Variants in KCND2 observed in about 807,000 individuals in gnomAD.
KCND2 encodes the protein A-type voltage-gated potassium channel KCND2.
A neutral mutation model predicts 54.4 loss-of-function variants in KCND2; 16 were observed. That is an observed-to-expected ratio of 0.29 (90% confidence interval 0.20 to 0.45). The LOEUF is 0.45. Ranked by LOEUF, KCND2 falls within the 20% of genes least tolerant of loss-of-function variation. The probability of loss-of-function intolerance (pLI) is 1.00; values close to 1 mark genes in which losing one functional copy is unlikely to be tolerated. For synonymous variants in KCND2, 317 were observed against 310.7 expected (o/e 1.02, Z -0.21); for missense variants, 486 against 824.2 (o/e 0.59, Z 5.02).
chr7:120,713,361 A>C (rs187263248), intron 1 of KCND2, among the ~76,000 whole-genome samples: 2 of 152,280 alleles, frequency 1.3e-5, no homozygotes, highest in South Asian at 2.1e-4. Flanking sequence ...CATTCCACAC[A>C]TAGGAAACCA....
At chr7:120,450,033 A>G (rs1025202353) in intron 1 of KCND2, among the ~76,000 whole-genome samples, 4 of 152,222 alleles carry the variant, frequency 2.6e-5, no homozygotes, top group African/African-American at 9.6e-5. Context: ...CAGTGAAGGA[A>G]GCATTTAACT....
At chr7:120,298,136 A>T (rs1435152449) in intron 1 of KCND2, among the ~76,000 whole-genome samples, 2 of 152,156 alleles carry the variant, frequency 1.3e-5, no homozygotes, top group African/African-American at 4.8e-5. Context: ...ATCTTAACAG[A>T]GTGACTAGTT....
chr7:120,642,549 G>A (rs528471628), intron 1 of KCND2, among the ~76,000 whole-genome samples: 16 of 143,564 alleles, frequency 1.1e-4, no homozygotes, highest in African/African-American at 2.7e-4. Flanking sequence ...TTGATAATTC[G>A]TCTCAATAAA....
At chr7:120,565,150 G>T (rs926342955) in intron 1 of KCND2, among the ~76,000 whole-genome samples, 1 of 152,116 alleles carries the variant, frequency 6.6e-6, no homozygotes, top group Non-Finnish European at 1.5e-5. Flanking sequence ...CCAAATACTG[G>T]TATTAAATTA....
intron 1 of KCND2, among the ~76,000 whole-genome samples, chr7:120,457,006 A>C (rs1035582072): frequency 6.6e-6 from 1 of 152,204 alleles, no homozygotes; most frequent in African/African-American, 2.4e-5. Context: ...GGCCAACACC[A>C]TGTGGAAACT....
At chr7:120,351,159 A>G (rs1340184491) in intron 1 of KCND2, among the ~76,000 whole-genome samples, 1 of 150,036 alleles carries the variant, frequency 6.7e-6, no homozygotes. Flanking sequence ...TGTGCATTAT[A>G]TATTAAACTT....
intron 1 of KCND2, among the ~76,000 whole-genome samples, chr7:120,478,409 T>A (rs2116274847): frequency 6.9e-6 from 1 of 145,696 alleles, no homozygotes. Flanking sequence ...ATCAGTAAGT[T>A]CTGATAATTT....
chr7:120,296,265 C>T (rs148831098), intron 1 of KCND2, among the ~76,000 whole-genome samples: 109 of 152,134 alleles, frequency 7.2e-4, no homozygotes, highest in African/African-American at 2.6e-3. Flanking sequence ...CTATGTTTTA[C>T]ATATCATGCT....
Position 120,518,508 on chromosome 7 carries a change from A to T in KCND2, c.1116-214395A>T, listed in dbSNP as rs149301440. 1.8e-3 allele frequency among the ~76,000 whole-genome samples: 280 copies of T among 152,314 alleles called. 2 individuals are homozygous for T. Among genetic ancestry groups the T allele is most frequent in the African/African-American group, 6.4e-3 (266 of 41,578 alleles). On this transcript the variant is annotated intron_variant, in intron 1 of 5. Coordinates refer to ENST00000331113, the MANE Select transcript of KCND2 (RefSeq NM_012281.3). ...TTCTTCATTTGGTAGATTTTTCCTA[A>T]AATTATCAGTACACTAAATCATCAG...
At chr7:120,596,637 C>T (rs1792749155) in intron 1 of KCND2, among the ~76,000 whole-genome samples, 2 of 152,144 alleles carry the variant, frequency 1.3e-5, no homozygotes, top group Admixed American at 1.3e-4. Flanking sequence ...GAATCTGGAT[C>T]AGCATTGAGA....
chr7:120,545,723 A>G (rs1352892054), intron 1 of KCND2, among the ~76,000 whole-genome samples: 2 of 151,894 alleles, frequency 1.3e-5, no homozygotes, highest in Non-Finnish European at 1.5e-5. Flanking sequence ...TGTAGGGGCT[A>G]ACAAGCATAA....
intron 1 of KCND2, among the ~76,000 whole-genome samples, chr7:120,349,997 G>T (rs1314932546): frequency 6.6e-6 from 1 of 151,868 alleles, no homozygotes; most frequent in South Asian, 2.1e-4. Flanking sequence ...TATAATAAAT[G>T]AATGTGTCTA....
At chr7:120,659,581 T>C (rs1791841957) in intron 1 of KCND2, among the ~76,000 whole-genome samples, 1 of 152,230 alleles carries the variant, frequency 6.6e-6, no homozygotes, top group African/African-American at 2.4e-5. Context: ...TTTTCTTTGA[T>C]TAAGATGTAG....
At chr7:120,478,697 C>T (rs990892318) in intron 1 of KCND2, among the ~76,000 whole-genome samples, 1 of 151,918 alleles carries the variant, frequency 6.6e-6, no homozygotes, top group East Asian at 1.9e-4. Flanking sequence ...AAGTAAAAAG[C>T]CCTACTAACA....
chr7:120,336,613 A>G (rs1026116492), intron 1 of KCND2, among the ~76,000 whole-genome samples: 1 of 152,218 alleles, frequency 6.6e-6, no homozygotes, highest in Non-Finnish European at 1.5e-5. Context: ...TAATGAAGCC[A>G]GTAAAGTCCT....
At chr7:120,662,209 T>A (rs1015213450) in intron 1 of KCND2, among the ~76,000 whole-genome samples, 6 of 152,148 alleles carry the variant, frequency 3.9e-5, no homozygotes, top group Non-Finnish European at 5.9e-5. Flanking sequence ...CCCTATAGTT[T>A]TTATCCTTGT....
At chr7:120,278,851 G>GA (rs1357252074) in intron 1 of KCND2, among the ~76,000 whole-genome samples, 3 of 151,652 alleles carry the variant, frequency 2.0e-5, no homozygotes, top group South Asian at 4.2e-4. Context: ...TAAAAAAAAT[G>GA]AAAAAATAAT....
At chr7:120,714,009 G>T (rs1792572583) in intron 1 of KCND2, among the ~76,000 whole-genome samples, 1 of 152,142 alleles carries the variant, frequency 6.6e-6, no homozygotes, top group South Asian at 2.1e-4. Flanking sequence ...AATGAGTAAA[G>T]AAATATTTTG....
chr7:120,617,957 A>G (rs1326869143), intron 1 of KCND2, among the ~76,000 whole-genome samples: 1 of 152,178 alleles, frequency 6.6e-6, no homozygotes, highest in Non-Finnish European at 1.5e-5. Flanking sequence ...GGAGCTAAAC[A>G]CTGAGTACAC....
Sources: allele counts gnomAD v4.1 joint callset (sites outside exome capture counted in the v4.1 genomes callset), GRCh38; gene constraint gnomAD v4.1.1; transcripts MANE v1.5; gene names NCBI Gene and HGNC (gene_info 2026-07-23, HGNC 2026-07-21).